Variants in ATF6 observed in about 807,000 individuals in gnomAD.
ATF6 encodes cyclic AMP-dependent transcription factor ATF-6 alpha.
A neutral mutation model predicts 83.6 loss-of-function variants in ATF6; 53 were observed. The observed-to-expected ratio is 0.63, with a 90% CI of 0.51 to 0.80. ATF6 has a LOEUF of 0.80. Among genes scored for constraint, ATF6 ranks in the 30% least tolerant of loss-of-function variants. The pLI is 0.00. For missense variants in ATF6, 744 were observed against 797.9 expected (o/e 0.93, Z 0.81); for synonymous variants, 288 against 285.8 (o/e 1.01, Z -0.08).
intron 14 of ATF6, 39 bp downstream of exon 14, chr1:161,863,351 G>T (rs765359915): frequency 6.1e-6 from 8 of 1,320,800 alleles, no homozygotes; most frequent in Non-Finnish European, 7.7e-6. Context: ...ATATTTTTGA[G>T]TGCTTGCCGT....
chr1:161,909,797 A>C (rs1687953330), intron 14 of ATF6, among the ~76,000 whole-genome samples: 1 of 152,146 alleles, frequency 6.6e-6, no homozygotes, highest in South Asian at 2.1e-4. Context: ...TCTACTAAAA[A>C]TACAAAAAAT....
intron 1 of ATF6, among the ~76,000 whole-genome samples, chr1:161,775,645 C>A (rs141113286): frequency 1.4e-4 from 22 of 152,102 alleles, no homozygotes; most frequent in African/African-American, 5.3e-4. Context: ...GGCCTTTGTT[C>A]TTTTTGACAT....
intron 14 of ATF6, among the ~76,000 whole-genome samples, chr1:161,872,210 G>A (rs190528076): frequency 6.6e-4 from 100 of 151,682 alleles, no homozygotes; most frequent in Admixed American, 2.2e-3. Flanking sequence ...GAAAAAGTCC[G>A]CTGTAGAAAT....
intron 9 of ATF6, among the ~76,000 whole-genome samples, chr1:161,838,689 A>C (rs1347314989): frequency 6.6e-6 from 1 of 152,172 alleles, no homozygotes; most frequent in African/African-American, 2.4e-5. Context: ...TTGCTTTATA[A>C]TTGCTTATTG....
chr1:161,767,930 A>G (rs1459436521), intron 1 of ATF6, among the ~76,000 whole-genome samples: 1 of 152,102 alleles, frequency 6.6e-6, no homozygotes. Context: ...ATCTTGGCTC[A>G]CCGCAACCTC....
At chr1:161,811,556 A>G (rs1685457191) in intron 7 of ATF6, among the ~76,000 whole-genome samples, 1 of 152,218 alleles carries the variant, frequency 6.6e-6, no homozygotes, top group Non-Finnish European at 1.5e-5. Flanking sequence ...TTAAATTTCA[A>G]AAAGTACAAA....
chr1:161,821,288 A>T, intron 9 of ATF6, 127 bp downstream of exon 9: 1 of 584,366 alleles, frequency 1.7e-6, no homozygotes, highest in Middle Eastern at 4.7e-4. Context: ...GTAATGAGAC[A>T]GGAGCCATGC....
At chr1:161,914,637 G>A (rs148585366) in intron 15 of ATF6, among the ~76,000 whole-genome samples, 334 of 152,236 alleles carry the variant, frequency 2.2e-3, no homozygotes, top group African/African-American at 7.7e-3. Flanking sequence ...CTCTCTGACT[G>A]TTACTTACTC....
chr1:161,945,880 C>T (rs1398475572), intron 15 of ATF6, among the ~76,000 whole-genome samples: 2 of 152,302 alleles, frequency 1.3e-5, no homozygotes, highest in African/African-American at 4.8e-5. Context: ...CCTGATACCA[C>T]CCTGGGACAT....
In ATF6 at chr1:161,894,521, CTTTTTTTTTTTTTT is replaced by C. The variant is rs71093131; in HGVS notation, c.1720-17755_1720-17742del. On this transcript the variant is annotated intron_variant, in intron 14 of 15. Coordinates refer to ENST00000367942, the MANE Select transcript of ATF6 (RefSeq NM_007348.4). ...TTAGAGGCAACATTTGTTTTGTAGT[CTTTTTTTTTTTTTT>C]TTTTTTTTTTTTTTTTTTTGAGACA... Among the ~76,000 whole-genome samples the C allele has an allele frequency of 5.7e-3, 257 of 44,872 alleles. 1 individual carries two copies. Among genetic ancestry groups the C allele is most frequent in the African/African-American group, 0.014 (209 of 15,134 alleles). 29.4% of individuals were successfully genotyped at this position (44,872 alleles called of 152,430 possible). A position where few individuals can be genotyped will look rare whatever the true frequency, so the allele number is the denominator to read the frequency against.
chr1:161,880,232 T>C (rs1389828946), intron 14 of ATF6, among the ~76,000 whole-genome samples: 1 of 152,134 alleles, frequency 6.6e-6, no homozygotes, highest in African/African-American at 2.4e-5. Context: ...GTGTGTTCTT[T>C]TAAGGTGAAG....
chr1:161,791,253 A>G (rs1684873244), intron 4 of ATF6, among the ~76,000 whole-genome samples, 155 bp from the exon 5 acceptor site: 1 of 152,124 alleles, frequency 6.6e-6, no homozygotes, highest in Non-Finnish European at 1.5e-5. Flanking sequence ...GCTGATAGTC[A>G]CTTATTACTT....
chr1:161,803,019 A>G (rs991305117), intron 7 of ATF6, among the ~76,000 whole-genome samples: 2 of 152,234 alleles, frequency 1.3e-5, no homozygotes, highest in African/African-American at 4.8e-5. Flanking sequence ...TGGATTCTCT[A>G]AAGTTACGAT....
intron 4 of ATF6, among the ~76,000 whole-genome samples, chr1:161,791,118 G>GTC (rs1684869879): frequency 7.0e-6 from 1 of 142,800 alleles, no homozygotes. Context: ...GTGTGTGTGT[G>GTC]TGTGTGTGTG....
intron 15 of ATF6, among the ~76,000 whole-genome samples, chr1:161,929,639 T>C (rs1688392776): frequency 6.6e-6 from 1 of 152,188 alleles, no homozygotes; most frequent in Admixed American, 6.5e-5. Flanking sequence ...GGCCAAAAAC[T>C]TCTATCAGCA....
chr1:161,847,986 A>G (rs186120044), intron 10 of ATF6, among the ~76,000 whole-genome samples: 10 of 152,254 alleles, frequency 6.6e-5, no homozygotes, highest in African/African-American at 1.9e-4. Context: ...TCAAACTAAA[A>G]GTCTGAATGA....
chr1:161,916,845 A>G (rs1688111961), intron 15 of ATF6, among the ~76,000 whole-genome samples: 1 of 152,250 alleles, frequency 6.6e-6, no homozygotes, highest in Non-Finnish European at 1.5e-5. Context: ...ATTTCAATCA[A>G]GATATAAATG....
chr1:161,832,039 C>T (rs990505129), intron 9 of ATF6, among the ~76,000 whole-genome samples: 4 of 150,968 alleles, frequency 2.6e-5, no homozygotes, highest in Non-Finnish European at 5.9e-5. Context: ...ATTAAACACA[C>T]CAGGAAACCA....
At chr1:161,816,379 C>A (rs1349287664) in intron 7 of ATF6, among the ~76,000 whole-genome samples, 1 of 152,196 alleles carries the variant, frequency 6.6e-6, no homozygotes, top group Non-Finnish European at 1.5e-5. Context: ...CAGATACAAG[C>A]AGTTCCACAA....
Sources: allele counts gnomAD v4.1 joint callset (sites outside exome capture counted in the v4.1 genomes callset), GRCh38; gene constraint gnomAD v4.1.1; transcripts MANE v1.5; gene names NCBI Gene and HGNC (gene_info 2026-07-23, HGNC 2026-07-21).